Variants in NTNG1 observed in about 807,000 individuals in gnomAD.
NTNG1 encodes netrin G1.
In NTNG1, 16 loss-of-function variants were observed where a neutral mutation model predicts 54.0. The observed-to-expected ratio is 0.30, with a 90% CI of 0.20 to 0.45. NTNG1 has a LOEUF of 0.45. NTNG1 is among the 20% of genes least tolerant of loss of function. The probability of loss-of-function intolerance (pLI) is 1.00; values close to 1 mark genes in which losing one functional copy is unlikely to be tolerated. For synonymous variants in NTNG1, 255 were observed against 263.1 expected, an observed-to-expected ratio of 0.97 and a Z score of 0.30; for missense variants, 530 against 678.7, an observed-to-expected ratio of 0.78 and a Z score of 2.43.
intron 2 of NTNG1, among the ~76,000 whole-genome samples, chr1:107,176,045 T>C (rs1656620892): frequency 6.6e-6 from 1 of 152,100 alleles, no homozygotes; most frequent in Non-Finnish European, 1.5e-5. Context: ...GAGAAGGCAA[T>C]TGGGTAAGAC....
At chr1:107,461,640 TCC>T (rs1227405461) in intron 7 of NTNG1, among the ~76,000 whole-genome samples, 1 of 151,936 alleles carries the variant, frequency 6.6e-6, no homozygotes. Flanking sequence ...TTCAAGCGAT[TCC>T]CCTGCCTCAG....
intron 2 of NTNG1, among the ~76,000 whole-genome samples, chr1:107,169,240 G>C (rs956938490): frequency 2.6e-5 from 4 of 152,068 alleles, no homozygotes; most frequent in Non-Finnish European, 5.9e-5. Context: ...AGGAAATTTG[G>C]AGAATTACTA....
chr1:107,332,027 A>G (rs759764420), intron 3 of NTNG1, among the ~76,000 whole-genome samples: 27 of 152,100 alleles, frequency 1.8e-4, no homozygotes, highest in Admixed American at 9.2e-4. Flanking sequence ...ACTTAACTCC[A>G]GTGGAAACAT....
chr1:107,388,168 A>T (rs527681443), intron 3 of NTNG1, among the ~76,000 whole-genome samples: 6 of 152,316 alleles, frequency 3.9e-5, no homozygotes, highest in Non-Finnish European at 8.8e-5. Context: ...ATTAATGCCC[A>T]CAGAATGAAT....
intron 2 of NTNG1, among the ~76,000 whole-genome samples, chr1:107,271,100 A>G (rs979780971): frequency 6.6e-6 from 1 of 152,226 alleles, no homozygotes; most frequent in African/African-American, 2.4e-5. Flanking sequence ...AGATAATTTA[A>G]ATAGTTACAA....
At chr1:107,417,038 C>A (rs1279875701) in intron 5 of NTNG1, among the ~76,000 whole-genome samples, 2 of 152,096 alleles carry the variant, frequency 1.3e-5, no homozygotes, top group East Asian at 3.9e-4. Flanking sequence ...AGCTGATCAT[C>A]ACAGATCAAG....
intron 4 of NTNG1, among the ~76,000 whole-genome samples, chr1:107,400,627 T>C (rs1672962178): frequency 6.6e-6 from 1 of 151,508 alleles, no homozygotes; most frequent in African/African-American, 2.4e-5. Context: ...TTATTCTTGG[T>C]CTTCATCAAC....
intron 2 of NTNG1, among the ~76,000 whole-genome samples, chr1:107,234,164 C>T (rs1661250143): frequency 2.6e-5 from 4 of 152,084 alleles, no homozygotes; most frequent in Admixed American, 2.6e-4. Flanking sequence ...ACTCTGTTGC[C>T]CAGGCTGCAG....
At chr1:107,343,193 C>A (rs560054675) in intron 3 of NTNG1, among the ~76,000 whole-genome samples, 1 of 152,206 alleles carries the variant, frequency 6.6e-6, no homozygotes, top group South Asian at 2.1e-4. Context: ...GAATCAGAGC[C>A]TTCATAATTT....
intron 2 of NTNG1, among the ~76,000 whole-genome samples, chr1:107,170,039 A>G (rs1053324036): frequency 7.2e-5 from 11 of 152,038 alleles, no homozygotes; most frequent in African/African-American, 2.7e-4. Flanking sequence ...ATCTAGGATA[A>G]TCTCCCTTAC....
chr1:107,280,950 T>C (rs1374194402), intron 2 of NTNG1, among the ~76,000 whole-genome samples: 2 of 151,904 alleles, frequency 1.3e-5, no homozygotes, highest in Non-Finnish European at 2.9e-5. Flanking sequence ...CTTCGAGTAA[T>C]GGAAATGGAA....
intron 1 of NTNG1, among the ~76,000 whole-genome samples, chr1:107,144,202 A>G (rs889946644): frequency 1.3e-5 from 2 of 152,110 alleles, no homozygotes; most frequent in African/African-American, 4.8e-5. Context: ...GGAAGCTGCT[A>G]ATTTTGATAG....
chr1:107,362,205 T>C (rs1187706161), intron 3 of NTNG1, among the ~76,000 whole-genome samples: 1 of 152,222 alleles, frequency 6.6e-6, no homozygotes, highest in Non-Finnish European at 1.5e-5. Context: ...CTGTGTGCCA[T>C]GATATTTTCA....
chr1:107,474,308 C>G (rs1678174170), intron 7 of NTNG1, among the ~76,000 whole-genome samples: 1 of 152,088 alleles, frequency 6.6e-6, no homozygotes, highest in Non-Finnish European at 1.5e-5. Flanking sequence ...TGAGGTAAAC[C>G]CACAGAGCAG....
chr1:107,264,167 C>T (rs1018747992), intron 2 of NTNG1, among the ~76,000 whole-genome samples: 2 of 152,080 alleles, frequency 1.3e-5, no homozygotes, highest in African/African-American at 4.8e-5. Flanking sequence ...AACACACACA[C>T]GCCCTTCTAT....
At chr1:107,369,464 C>T (rs1670791467) in intron 3 of NTNG1, among the ~76,000 whole-genome samples, 1 of 152,056 alleles carries the variant, frequency 6.6e-6, no homozygotes, top group African/African-American at 2.4e-5. Context: ...AATGGTATCT[C>T]ATTGGGATTT....
At chr1:107,192,635 C>G (rs1013202546) in intron 2 of NTNG1, among the ~76,000 whole-genome samples, 6 of 152,030 alleles carry the variant, frequency 3.9e-5, no homozygotes, top group Non-Finnish European at 7.4e-5. Context: ...TCTGGCATAT[C>G]TTTTGCCTAT....
chr1:107,227,054 TG>T (rs1290556708), intron 2 of NTNG1, among the ~76,000 whole-genome samples: 2 of 152,056 alleles, frequency 1.3e-5, no homozygotes, highest in Non-Finnish European at 2.9e-5. Flanking sequence ...TAAACCATAG[TG>T]GATCGGAGTA....
At chr1:107,397,869 A>C (rs1374563519) in intron 4 of NTNG1, among the ~76,000 whole-genome samples, 2 of 151,982 alleles carry the variant, frequency 1.3e-5, no homozygotes, top group Admixed American at 1.3e-4. Flanking sequence ...CCTGCTCTGG[A>C]AGTCCTCTAA....
Sources: allele counts gnomAD v4.1 joint callset (sites outside exome capture counted in the v4.1 genomes callset), GRCh38; gene constraint gnomAD v4.1.1; transcripts MANE v1.5; gene names NCBI Gene and HGNC (gene_info 2026-07-23, HGNC 2026-07-21).